Variants in METAP1 observed in about 807,000 individuals in gnomAD.
METAP1 encodes methionyl aminopeptidase 1, also known as methionine aminopeptidase 1.
Under a neutral mutation model 53.8 loss-of-function variants are expected in METAP1, and 28 were observed. That is an observed-to-expected ratio of 0.52 (90% CI 0.39 to 0.71). METAP1 has a LOEUF of 0.71. Among genes scored for constraint, METAP1 ranks in the 30% least tolerant of loss-of-function variants. The pLI is 0.00. For synonymous variants in METAP1, 181 were observed against 165.7 expected, an observed-to-expected ratio of 1.09 and a Z score of -0.71; for missense variants, 389 against 479.8, an observed-to-expected ratio of 0.81 and a Z score of 1.77.
At chr4:99,029,044 AATT>A in intron 2 of METAP1, 126 bp downstream of exon 2, 1 of 585,178 alleles carries the variant, frequency 1.7e-6, no homozygotes, top group Non-Finnish European at 2.9e-6. Context: ...TGAATACTAG[AATT>A]ATGACATATT....
rs1211979208 is a variant in METAP1, at chr4:99,039,366, C to T, written c.341-8C>T. On this transcript the variant is annotated splice_region_variant and splice_polypyrimidine_tract_variant and intron_variant, in intron 4 of 10. Coordinates refer to ENST00000296411, the MANE Select transcript of METAP1 (RefSeq NM_015143.3). Reference sequence around the variant, plus strand: ...ATTTTGGTTTTACTTACCGAATTTTCATTCCAGGAATGTCTGAATCTGAAC... The same window carrying T: ...ATTTTGGTTTTACTTACCGAATTTTTATTCCAGGAATGTCTGAATCTGAAC... 6.3e-7 allele frequency: 1 copy of T among 1,583,378 alleles called. No homozygotes were observed.
chr4:99,060,009 A>G (rs991289829), intron 10 of METAP1, among the ~76,000 whole-genome samples: 2 of 152,236 alleles, frequency 1.3e-5, no homozygotes, highest in Non-Finnish European at 2.9e-5. Context: ...AAACATTTAC[A>G]TGATTTCCTT....
chr4:99,022,253 T>C, intron 1 of METAP1: 1 of 493,420 alleles, frequency 2.0e-6, no homozygotes, highest in East Asian at 3.7e-5. Flanking sequence ...GATCATTCTA[T>C]TATGAGGTAG....
At chr4:99,040,913 T>C (rs1189291525) in intron 5 of METAP1, 130 bp from the exon 6 acceptor site, 2 of 321,262 alleles carry the variant, frequency 6.2e-6, no homozygotes, top group Admixed American at 9.7e-5. Context: ...TATATTTATA[T>C]ATTTTCTATA....
intron 5 of METAP1, 112 bp downstream of exon 5, chr4:99,039,577 C>T (rs576054953): frequency 1.2e-4 from 71 of 577,776 alleles, no homozygotes; most frequent in African/African-American, 1.2e-3. Context: ...TTAGACTGAC[C>T]AGCCATGCTT....
chr4:99,024,209 C>T (rs1232037671), intron 1 of METAP1, among the ~76,000 whole-genome samples: 2 of 152,114 alleles, frequency 1.3e-5, no homozygotes, highest in East Asian at 1.9e-4. Context: ...CCCCCAGTCA[C>T]GTACCCCCTG....
intron 2 of METAP1, among the ~76,000 whole-genome samples, chr4:99,031,200 G>A (rs1724998534): frequency 6.7e-6 from 1 of 149,538 alleles, no homozygotes; most frequent in South Asian, 2.1e-4. Flanking sequence ...ATTCTTGGGT[G>A]CATGTTTTTT....
intron 1 of METAP1, among the ~76,000 whole-genome samples, chr4:98,996,297 T>C (rs991739793): frequency 1.3e-5 from 2 of 152,276 alleles, no homozygotes; most frequent in African/African-American, 4.8e-5. Context: ...GGGGCTCGGG[T>C]CTGGGCGCTG....
chr4:99,032,500 G>A (rs972506446), intron 2 of METAP1, among the ~76,000 whole-genome samples: 1 of 152,132 alleles, frequency 6.6e-6, no homozygotes, highest in Non-Finnish European at 1.5e-5. Flanking sequence ...CCAAGTGCTG[G>A]TATTACAGGC....
At chr4:99,052,530 A>G (rs1265908031) in intron 9 of METAP1, among the ~76,000 whole-genome samples, 1 of 152,188 alleles carries the variant, frequency 6.6e-6, no homozygotes, top group East Asian at 1.9e-4. Flanking sequence ...GAGAGAGTGC[A>G]TGGGAGGAGA....
chr4:99,008,983 A>C (rs907244518), intron 1 of METAP1, among the ~76,000 whole-genome samples: 21 of 152,298 alleles, frequency 1.4e-4, no homozygotes, highest in South Asian at 2.1e-4. Flanking sequence ...GATCTCTAGA[A>C]CGTTTTCATT....
At chr4:99,020,369 AG>A (rs200345353) in intron 1 of METAP1, among the ~76,000 whole-genome samples, 3,336 of 152,290 alleles carry the variant, frequency 0.022, 46 homozygotes, top group Non-Finnish European at 0.035. Context: ...AGAGCTGAGA[AG>A]CCAGCTCTTC....
chr4:99,022,493 G>A, intron 1 of METAP1: 1 of 620,388 alleles, frequency 1.6e-6, no homozygotes. Context: ...GTAGGACGTT[G>A]GGCAAATGTC....
chr4:99,008,915 CTTAA>C (rs562445344), intron 1 of METAP1, among the ~76,000 whole-genome samples: 5 of 152,016 alleles, frequency 3.3e-5, no homozygotes, highest in Non-Finnish European at 5.9e-5. Context: ...ATTTTACTGT[CTTAA>C]TTATTTTTAT....
chr4:99,031,797 A>G (rs1013473414), intron 2 of METAP1: 2 of 388,466 alleles, frequency 5.1e-6, no homozygotes, highest in African/African-American at 4.2e-5. Flanking sequence ...GCCTGCATAC[A>G]ACTTTTTAAA....
intron 1 of METAP1, among the ~76,000 whole-genome samples, chr4:99,018,361 A>C (rs1396567236): frequency 6.6e-6 from 1 of 152,222 alleles, no homozygotes; most frequent in Non-Finnish European, 1.5e-5. Flanking sequence ...TCTTCTCCAG[A>C]TATAAGTATG....
intron 6 of METAP1, 95 bp downstream of exon 6, chr4:99,041,221 G>C: frequency 2.6e-6 from 2 of 769,524 alleles, no homozygotes; most frequent in Non-Finnish European, 3.9e-6. Context: ...GAGTGTCTAA[G>C]GTAACTTGGG....
At position 99,035,381 on chromosome 4, in the gene METAP1, T is replaced by G; in HGVS notation, c.280-19T>G. The G allele has an allele frequency of 1.3e-6, 2 of 1,530,602 alleles. No homozygotes were observed. Among genetic ancestry groups the G allele is most frequent in the Non-Finnish European group, 1.8e-6 (2 of 1,128,378 alleles). The allele number at this position is 1,530,602 out of a possible 1,614,324, so 94.8% of individuals were successfully genotyped here. A position where few individuals can be genotyped will look rare whatever the true frequency, so the allele number is the denominator to read the frequency against. On this transcript the variant is annotated intron_variant, in intron 3 of 10. Coordinates refer to ENST00000296411, the MANE Select transcript of METAP1 (RefSeq NM_015143.3). The stretch of plus-strand genomic sequence containing the variant: ...TTATTTTTCGTTGGTAAATCAGTTT[T>G]AACTAACTTTGTTTTTAGATGCCAA...
At chr4:99,047,443 G>A (rs1185849801) in intron 8 of METAP1, among the ~76,000 whole-genome samples, 1 of 152,074 alleles carries the variant, frequency 6.6e-6, no homozygotes. Context: ...TTACAATATT[G>A]TTCCCCCTCC....
Sources: gnomAD v4.1 joint callset for allele counts (sites outside exome capture counted in the v4.1 genomes callset) on GRCh38, gnomAD v4.1.1 for gene constraint, MANE v1.5 for transcripts, NCBI Gene and HGNC (gene_info 2026-07-23, HGNC 2026-07-21) for gene names.